Variants in NDC1 observed in about 807,000 individuals in gnomAD.
NDC1 encodes the protein NDC1 transmembrane nucleoporin.
NDC1 carries 24 observed loss-of-function variants against 89.8 expected under a neutral mutation model. That is an observed-to-expected ratio of 0.27 (90% CI 0.19 to 0.38). The LOEUF is 0.38. NDC1 is among the 10% of genes least tolerant of loss of function. The probability of loss-of-function intolerance (pLI) is 1.00; values close to 1 mark genes in which losing one functional copy is unlikely to be tolerated. For missense variants in NDC1, 728 were observed against 797.6 expected (o/e 0.91, Z 1.05); for synonymous variants, 296 against 284.8 (o/e 1.04, Z -0.39).
intron 16 of NDC1, among the ~76,000 whole-genome samples, chr1:53,774,435 A>C (rs547980239): frequency 1.3e-5 from 2 of 152,314 alleles, no homozygotes; most frequent in South Asian, 4.1e-4. Flanking sequence ...ATTCTTTTCA[A>C]TTTTCTTGCA....
At chr1:53,801,345 T>C (rs1379567501) in intron 10 of NDC1, among the ~76,000 whole-genome samples, 1 of 152,166 alleles carries the variant, frequency 6.6e-6, no homozygotes, top group Non-Finnish European at 1.5e-5. Context: ...TAACAGCCCC[T>C]ATTTGCTGTT....
In NDC1 at chr1:53,838,248, A is replaced by G. The variant is rs897196827; in HGVS notation, c.14T>C (p.Val5Ala). The G allele has an allele frequency of 1.8e-5, 28 of 1,537,058 alleles. No individual in the cohort carries two copies. The Admixed American group carries it at 5.5e-4, about 30-fold the overall frequency. The change falls in exon 1 of 18, where the codon GTG becomes GCG. Residue 5 changes from valine (V) to alanine (A), a missense_variant. Coordinates refer to ENST00000371429, the MANE Select transcript of NDC1 (RefSeq NM_018087.5). ...CGACCTGCCGGCGCAGGGCCGGCTC[A>G]CGGCCGTGGCCATGGAGATGGCGGC... MATA[V>A]SRPCAGRSRD...
At chr1:53,816,835 T>G (rs1382567261) in intron 6 of NDC1, among the ~76,000 whole-genome samples, 4 of 151,996 alleles carry the variant, frequency 2.6e-5, no homozygotes, top group Non-Finnish European at 5.9e-5. Flanking sequence ...TAAAAGAAGA[T>G]ATACAAATAG....
chr1:53,796,617 C>A, intron 13 of NDC1, 72 bp downstream of exon 13: 31 of 677,284 alleles, frequency 4.6e-5, no homozygotes, highest in East Asian at 6.6e-5. Flanking sequence ...TTCCTGATGA[C>A]TTACTCATGT....
chr1:53,803,732 C>T (rs530264422), intron 10 of NDC1, among the ~76,000 whole-genome samples, 196 bp downstream of exon 10: 6 of 152,266 alleles, frequency 3.9e-5, no homozygotes, highest in Admixed American at 1.3e-4. Flanking sequence ...CCACCACGCC[C>T]GGCTAATTTT....
chr1:53,808,996 T>C (rs1648206857), intron 7 of NDC1, among the ~76,000 whole-genome samples: 1 of 152,138 alleles, frequency 6.6e-6, no homozygotes. Context: ...ATTCGGCAAA[T>C]ACAGATTAAA....
At chr1:53,769,882 T>C (rs1469010836) in intron 17 of NDC1, among the ~76,000 whole-genome samples, 2 of 152,214 alleles carry the variant, frequency 1.3e-5, no homozygotes, top group Admixed American at 6.5e-5. Context: ...ACACTAGAGA[T>C]AGAACCCTAG....
intron 13 of NDC1, among the ~76,000 whole-genome samples, chr1:53,793,746 T>G (rs925963419): frequency 2.0e-5 from 3 of 151,882 alleles, no homozygotes; most frequent in African/African-American, 7.3e-5. Flanking sequence ...CACACCACCA[T>G]GTCCGGTTAA....
chr1:53,833,700 T>C (rs1308670435), intron 2 of NDC1, among the ~76,000 whole-genome samples: 2 of 152,108 alleles, frequency 1.3e-5, no homozygotes, highest in Non-Finnish European at 2.9e-5. Flanking sequence ...CAACAATCGA[T>C]ATTCCATCTC....
rs373166493 is a variant in NDC1, at chr1:53,790,719, AAAC to A, written c.1636-1526_1636-1524del. 1.3e-3 allele frequency among the ~76,000 whole-genome samples: 200 copies of A among 152,166 alleles called. 1 individual carries two copies. The highest frequency in any genetic ancestry group is 9.6e-3 in the South Asian group (46 of 4,810). The stretch of plus-strand genomic sequence containing the variant: ...AAGACTTCGTCTCAAATAAATAAAT[AAAC>A]AACAACAACAACAACAACAAAACTG... On this transcript the variant is annotated intron_variant, in intron 14 of 17. Coordinates refer to ENST00000371429, the MANE Select transcript of NDC1 (RefSeq NM_018087.5).
chr1:53,802,725 G>A (rs1647963642), intron 10 of NDC1, among the ~76,000 whole-genome samples: 1 of 152,158 alleles, frequency 6.6e-6, no homozygotes, highest in African/African-American at 2.4e-5. Flanking sequence ...TCCCACCAGT[G>A]CCTGGGACTG....
intron 5 of NDC1, among the ~76,000 whole-genome samples, chr1:53,824,750 A>G (rs190921929): frequency 5.9e-4 from 90 of 152,306 alleles, no homozygotes; most frequent in African/African-American, 2.0e-3. Flanking sequence ...TTTATACTCT[A>G]CCACTCAAAC....
chr1:53,769,736 T>C (rs1427405465), intron 17 of NDC1, among the ~76,000 whole-genome samples: 1 of 152,210 alleles, frequency 6.6e-6, no homozygotes, highest in Admixed American at 6.5e-5. Context: ...TTTACCTACG[T>C]ATGATCCCAT....
At chr1:53,772,667 A>G (rs1279384610) in intron 16 of NDC1, among the ~76,000 whole-genome samples, 178 bp from the exon 17 acceptor site, 3 of 71,816 alleles carry the variant, frequency 4.2e-5, no homozygotes, top group Non-Finnish European at 1.0e-4. Flanking sequence ...TCAAAATAAC[A>G]TAACATAACA....
intron 7 of NDC1, among the ~76,000 whole-genome samples, chr1:53,808,332 T>C (rs1648183623): frequency 6.6e-6 from 1 of 152,236 alleles, no homozygotes; most frequent in Admixed American, 6.5e-5. Flanking sequence ...GCAAAGTTAT[T>C]ATAATCCTAC....
intron 8 of NDC1, 72 bp downstream of exon 8, chr1:53,807,584 G>A: frequency 7.5e-7 from 1 of 1,338,602 alleles, no homozygotes; most frequent in Non-Finnish European, 1.0e-6. Context: ...GCTGATCAGT[G>A]TGCTCTGCTA....
At chr1:53,768,894 A>G (rs906123609) in intron 17 of NDC1, among the ~76,000 whole-genome samples, 4 of 152,172 alleles carry the variant, frequency 2.6e-5, no homozygotes, top group African/African-American at 7.2e-5. Context: ...TGGCTCTGGA[A>G]TTCTCTCCAA....
At position 53,838,296 on chromosome 1, in the gene NDC1, G is replaced by T; in HGVS notation, c.-35C>A. The T allele has an allele frequency of 6.6e-7, 1 of 1,506,988 alleles. No individual in the cohort carries two copies. The highest frequency in any genetic ancestry group is 8.9e-7 in the Non-Finnish European group (1 of 1,125,166). The allele number at this position is 1,506,988 out of a possible 1,614,324, so 93.4% of individuals were successfully genotyped here. A position where few individuals can be genotyped will look rare whatever the true frequency, so the allele number is the denominator to read the frequency against. On this transcript the variant is annotated 5_prime_UTR_variant, in exon 1 of 18. Transcript: ENST00000371429. ...GGCCCCTAGTCTAGGGCGTACAGGAGACCGTGCGCCCGCCCGCCACCGCAG... is the reference window on the plus strand; with the variant it reads ...GGCCCCTAGTCTAGGGCGTACAGGATACCGTGCGCCCGCCCGCCACCGCAG...
At chr1:53,792,232 A>G (rs545270465) in intron 14 of NDC1, among the ~76,000 whole-genome samples, 198 of 152,246 alleles carry the variant, frequency 1.3e-3, no homozygotes, top group African/African-American at 3.6e-3. Flanking sequence ...GTGAGCCACC[A>G]TGCCCGGCCT....
Sources: allele counts gnomAD v4.1 joint callset (sites outside exome capture counted in the v4.1 genomes callset), GRCh38; gene constraint gnomAD v4.1.1; transcripts MANE v1.5; gene names NCBI Gene and HGNC (gene_info 2026-07-23, HGNC 2026-07-21).